Variants in SF3B3 observed in about 807,000 individuals in gnomAD.
SF3B3 encodes splicing factor 3b subunit 3.
A neutral mutation model predicts 139.2 loss-of-function variants in SF3B3; 33 were observed. That is an observed-to-expected ratio of 0.24 (90% CI 0.18 to 0.32). The LOEUF (loss-of-function observed/expected upper bound fraction) is 0.32, where lower values mean the gene tolerates loss of function less well. Among genes scored for constraint, SF3B3 ranks in the 10% least tolerant of loss-of-function variants. The pLI is 1.00. For missense variants in SF3B3, 818 were observed against 1,509.4 expected, an observed-to-expected ratio of 0.54 and a Z score of 7.59; for synonymous variants, 596 against 563.6, an observed-to-expected ratio of 1.06 and a Z score of -0.81.
intron 12 of SF3B3, 40 bp from the exon 13 acceptor site, chr16:70,555,011 A>G: frequency 6.3e-7 from 1 of 1,598,608 alleles, no homozygotes; most frequent in Non-Finnish European, 8.6e-7. Flanking sequence ...GTGATGAATC[A>G]AATTGTTAAA....
intron 5 of SF3B3, among the ~76,000 whole-genome samples, chr16:70,533,174 A>T (rs149841381): frequency 6.6e-6 from 1 of 152,260 alleles, no homozygotes; most frequent in African/African-American, 2.4e-5. Flanking sequence ...TTGTTGAGGG[A>T]CATATATGTA....
In SF3B3 at chr16:70,573,542, G is replaced by A. The variant is rs534101750; in HGVS notation, c.*1729G>A. 6.6e-6 allele frequency: 1 copy of A among 152,328 alleles called. No homozygotes were observed. The highest frequency in any genetic ancestry group is 2.1e-4 in the South Asian group (1 of 4,818). 9.4% of individuals were successfully genotyped at this position (152,328 alleles called of 1,614,324 possible). ...TTGCTTGTTCTCTGTTAAGAGGAAGGGCTAGGACAAGGATTTGGGCTTGAA... is the reference window on the plus strand; with the variant it reads ...TTGCTTGTTCTCTGTTAAGAGGAAGAGCTAGGACAAGGATTTGGGCTTGAA... On this transcript the variant is annotated 3_prime_UTR_variant, in exon 26 of 26. Transcript: ENST00000302516.
At chr16:70,560,353 A>C in intron 15 of SF3B3, 116 bp from the exon 16 acceptor site, 1 of 1,075,120 alleles carries the variant, frequency 9.3e-7, no homozygotes, top group Non-Finnish European at 1.3e-6. Context: ...TTAAACACCC[A>C]AGTCATTTCT....
intron 10 of SF3B3, among the ~76,000 whole-genome samples, chr16:70,547,702 TC>T (rs1179754915): frequency 6.6e-6 from 1 of 152,190 alleles, no homozygotes; most frequent in Non-Finnish European, 1.5e-5. Context: ...CAAGCGATTC[TC>T]CCGCCTCAGC....
chr16:70,529,223 G>A, intron 3 of SF3B3, 24 bp downstream of exon 3: 3 of 1,568,406 alleles, frequency 1.9e-6, no homozygotes, highest in Non-Finnish European at 2.6e-6. Flanking sequence ...TCTACTTGCT[G>A]TATATGCCTA....
chr16:70,542,724 T>C (rs575332594), intron 9 of SF3B3, among the ~76,000 whole-genome samples: 167 of 152,090 alleles, frequency 1.1e-3, no homozygotes, highest in Middle Eastern at 3.4e-3. Flanking sequence ...TTTTCTTTTT[T>C]TTTTCTTTTT....
chr16:70,531,055 A>G (rs535833719), intron 4 of SF3B3, 138 bp downstream of exon 4: 23 of 706,360 alleles, frequency 3.3e-5, no homozygotes, highest in Non-Finnish European at 4.6e-5. Context: ...TCATGAGGTC[A>G]GGAGATCGAG....
rs773935535 is a variant in SF3B3, at chr16:70,532,498, C to G, written c.590C>G (p.Thr197Arg). 6.2e-7 allele frequency: 1 copy of G among 1,614,046 alleles called. No homozygotes were observed. Among genetic ancestry groups the G allele is most frequent in the East Asian group, 2.2e-5 (1 of 44,876 alleles). Residue 197 changes from threonine (T) to arginine (R), a missense_variant, in exon 5 of 26, where the codon ACA becomes AGA. Around this residue, in one of 14 missense-constraint regions of SF3B3, gnomAD observed 144 missense variants for 259.2 expected, o/e 0.56. Coordinates refer to ENST00000302516, the MANE Select transcript of SF3B3 (RefSeq NM_012426.5). ...CTGTAGGAAGCAGACAATGATCCAACAGGGGAAGCAGCAGCTAATACCCAG... is the reference window on the plus strand; with the variant it reads ...CTGTAGGAAGCAGACAATGATCCAAGAGGGGAAGCAGCAGCTAATACCCAG... ...MDYEEADNDP[T>R]GEAAANTQQT...
At chr16:70,540,166 G>A (rs1182486737) in intron 8 of SF3B3, among the ~76,000 whole-genome samples, 3 of 149,994 alleles carry the variant, frequency 2.0e-5, no homozygotes, top group African/African-American at 4.9e-5. Flanking sequence ...AGGTTGAGGC[G>A]GGCGGATCAC....
chr16:70,532,910 C>T (rs888325146), intron 5 of SF3B3, among the ~76,000 whole-genome samples: 7 of 152,164 alleles, frequency 4.6e-5, no homozygotes, highest in Non-Finnish European at 1.0e-4. Flanking sequence ...GACAGTTTGG[C>T]TGTAGTCAGT....
intron 9 of SF3B3, among the ~76,000 whole-genome samples, chr16:70,543,537 G>A (rs985331841): frequency 2.6e-5 from 4 of 151,680 alleles, no homozygotes; most frequent in East Asian, 3.9e-4. Context: ...GTGAAACCCC[G>A]TCTCTACTAA....
Position 70,523,867 on chromosome 16 carries a change from G to A in SF3B3, c.-132G>A. ...ACGCCAGTATGTTGGAGTTGGTGGTGGCTTAAGTTTTGAAGGGAGGTAGCA... is the reference window on the plus strand; with the variant it reads ...ACGCCAGTATGTTGGAGTTGGTGGTAGCTTAAGTTTTGAAGGGAGGTAGCA... On this transcript the variant is annotated 5_prime_UTR_variant, in exon 1 of 26. Transcript: ENST00000302516. 1 of 494,676 alleles carries A rather than the reference G, an allele frequency of 2.0e-6. No homozygotes were observed. Among genetic ancestry groups the A allele is most frequent in the Non-Finnish European group, 3.5e-6 (1 of 281,816 alleles). The allele number at this position is 494,676 out of a possible 1,614,324, so 30.6% of individuals were successfully genotyped here.
intron 7 of SF3B3, among the ~76,000 whole-genome samples, chr16:70,538,824 G>A (rs1466360911): frequency 6.6e-6 from 1 of 152,166 alleles, no homozygotes; most frequent in Admixed American, 6.5e-5. Context: ...TAGCTGTTTG[G>A]ATCAGGAATT....
At chr16:70,559,666 GAC>G (rs1177935221) in intron 15 of SF3B3, among the ~76,000 whole-genome samples, 1 of 152,064 alleles carries the variant, frequency 6.6e-6, no homozygotes, top group African/African-American at 2.4e-5. Flanking sequence ...CAGCCTGGGT[GAC>G]AGAGTGAGAA....
intron 8 of SF3B3, 35 bp from the exon 9 acceptor site, chr16:70,541,634 G>A (rs751405688): frequency 1.8e-5 from 29 of 1,582,708 alleles, no homozygotes; most frequent in South Asian, 2.2e-5. Context: ...CAGAGAACTC[G>A]TTACCGAAAG....
At chr16:70,539,239 C>G (rs1218677363) in intron 8 of SF3B3, 32 bp downstream of exon 8, 2 of 1,496,974 alleles carry the variant, frequency 1.3e-6, no homozygotes, top group Non-Finnish European at 1.9e-6. Context: ...CTAGTTCACC[C>G]TGGTTGGGAT....
At chr16:70,538,993 C>A in intron 7 of SF3B3, 111 bp from the exon 8 acceptor site, 1 of 810,600 alleles carries the variant, frequency 1.2e-6, no homozygotes, top group Non-Finnish European at 2.1e-6. Context: ...TTTGTTGACC[C>A]CTGGTCAGAT....
chr16:70,565,203 G>C lies in SF3B3; in HGVS notation c.2602G>C (p.Val868Leu), dbSNP rs377062798. 1.5e-5 allele frequency: 24 copies of C among 1,614,094 alleles called. No homozygotes were observed. The African/African-American group carries it at 2.8e-4, about 19-fold the overall frequency. The change falls in exon 19 of 26, where the codon GTG (valine) becomes CTG (leucine). Residue 868 changes from valine (V) to leucine (L), a missense_variant. Coordinates refer to ENST00000302516, the MANE Select transcript of SF3B3 (RefSeq NM_012426.5). ...TGGGCAGTGGGCCTCTGTGATCCGA[G>C]TGATGAATCCCATTCAAGGGAACAC... Reference protein sequence around the residue: ...GNGQWASVIRVMNPIQGNTLD... With the variant: ...GNGQWASVIRLMNPIQGNTLD...
At position 70,538,526 on chromosome 16, in the gene SF3B3, C is replaced by T. The variant is rs529289449; in HGVS notation, c.963+66C>T. 1.6e-5 allele frequency: 22 copies of T among 1,359,410 alleles called. No individual in the cohort carries two copies. In the African/African-American group the frequency reaches 2.5e-4, roughly 15 times the overall value. 84.2% of individuals were successfully genotyped at this position (1,359,410 alleles called of 1,614,324 possible). On this transcript the variant is annotated intron_variant, in intron 7 of 25. Transcript: ENST00000302516. ...GATGAGATAGGCAAGACAGGTAATACTTTACAAGTTAAAAAAATGAGAACT... is the reference window on the plus strand; with the variant it reads ...GATGAGATAGGCAAGACAGGTAATATTTTACAAGTTAAAAAAATGAGAACT...
Sources: gnomAD v4.1 joint callset for allele counts (sites outside exome capture counted in the v4.1 genomes callset) on GRCh38, gnomAD v4.1.1 for gene constraint, gnomAD v4.1.1 regional missense constraint, MANE v1.5 for transcripts, NCBI Gene and HGNC (gene_info 2026-07-23, HGNC 2026-07-21) for gene names.